ADGB: variants seen among roughly 807,000 people sequenced by gnomAD.
The protein encoded by ADGB is calpain-7-like protein.
ADGB carries 172 observed loss-of-function variants against 210.5 expected under a neutral mutation model. The observed-to-expected ratio is 0.82, with a 90% CI of 0.72 to 0.93. ADGB has a LOEUF of 0.93. Among genes scored for constraint, ADGB ranks in the 40% least tolerant of loss-of-function variants. ADGB has a pLI of 0.00. For synonymous variants in ADGB, 658 were observed against 662.7 expected (o/e 0.99, Z 0.11); for missense variants, 2,025 against 1,964.8 (o/e 1.03, Z -0.58).
At chr6:146,796,886 A>C (rs1330798488) in intron 33 of ADGB, among the ~76,000 whole-genome samples, 1 of 152,244 alleles carries the variant, frequency 6.6e-6, no homozygotes, top group Non-Finnish European at 1.5e-5. Context: ...AGCAAAAGAA[A>C]TAATCAGCAG....
intron 35 of ADGB, among the ~76,000 whole-genome samples, chr6:146,808,981 G>T (rs1778257194): frequency 1.3e-5 from 2 of 151,858 alleles, no homozygotes; most frequent in Admixed American, 1.3e-4. Context: ...CGAGCTGTGG[G>T]AGCCCACGCT....
At chr6:146,764,355 G>T (rs1317865745) in intron 28 of ADGB, among the ~76,000 whole-genome samples, 1 of 152,030 alleles carries the variant, frequency 6.6e-6, no homozygotes, top group Non-Finnish European at 1.5e-5. Flanking sequence ...TAATGTACCT[G>T]TAATTATCTA....
At chr6:146,604,974 A>G (rs1222192101) in intron 1 of ADGB, among the ~76,000 whole-genome samples, 1 of 152,124 alleles carries the variant, frequency 6.6e-6, no homozygotes, top group Admixed American at 6.6e-5. Flanking sequence ...CTTCAATTTC[A>G]AAAGGCACAG....
chr6:146,668,091 T>G (rs1223799479), intron 7 of ADGB, among the ~76,000 whole-genome samples: 1 of 152,118 alleles, frequency 6.6e-6, no homozygotes, highest in Non-Finnish European at 1.5e-5. Context: ...TCACGATCGT[T>G]TTATTTAATA....
chr6:146,682,791 C>A (rs934118199), intron 9 of ADGB, among the ~76,000 whole-genome samples: 13 of 152,018 alleles, frequency 8.6e-5, no homozygotes, highest in African/African-American at 3.1e-4. Context: ...TATCTAAGGC[C>A]CTTTAGACCC....
intron 13 of ADGB, among the ~76,000 whole-genome samples, chr6:146,715,012 C>T (rs898148239): frequency 1.3e-5 from 2 of 152,122 alleles, no homozygotes; most frequent in Admixed American, 6.6e-5. Flanking sequence ...AGGTTCTGTA[C>T]ATTACTTTCA....
chr6:146,612,210 T>C (rs1029286786), intron 1 of ADGB, among the ~76,000 whole-genome samples: 6 of 152,228 alleles, frequency 3.9e-5, no homozygotes, highest in African/African-American at 7.2e-5. Flanking sequence ...TCTCTGATGG[T>C]CTTAGTTTCT....
chr6:146,810,027 A>G (rs1474591400), intron 35 of ADGB, among the ~76,000 whole-genome samples: 1 of 152,036 alleles, frequency 6.6e-6, no homozygotes, highest in Non-Finnish European at 1.5e-5. Flanking sequence ...AATCTATAGA[A>G]TGGGAGAAAA....
At chr6:146,623,507 G>A (rs1411784456) in intron 1 of ADGB, among the ~76,000 whole-genome samples, 1 of 151,730 alleles carries the variant, frequency 6.6e-6, no homozygotes, top group East Asian at 1.9e-4. Context: ...TCTTGTCAGT[G>A]CACAAAAGTT....
At chr6:146,694,367 T>C (rs1016207720) in intron 12 of ADGB, among the ~76,000 whole-genome samples, 3 of 152,178 alleles carry the variant, frequency 2.0e-5, no homozygotes, top group Non-Finnish European at 4.4e-5. Flanking sequence ...CTTACCACTG[T>C]GTACTCACCT....
chr6:146,732,586 A>AAG (rs1777009210), intron 20 of ADGB, among the ~76,000 whole-genome samples: 1 of 151,874 alleles, frequency 6.6e-6, no homozygotes, highest in Admixed American at 6.6e-5. Context: ...GGTAAAAAAA[A>AAG]AAAATCTCCA....
chr6:146,618,262 A>G (rs867712042), intron 1 of ADGB, among the ~76,000 whole-genome samples: 3 of 149,620 alleles, frequency 2.0e-5, no homozygotes, highest in Non-Finnish European at 4.5e-5. Flanking sequence ...TTTGAGTCTT[A>G]CGGTTTTTTT....
intron 13 of ADGB, among the ~76,000 whole-genome samples, chr6:146,714,436 G>A (rs979269170): frequency 1.3e-5 from 2 of 152,132 alleles, no homozygotes; most frequent in East Asian, 3.9e-4. Context: ...GAAGCTGAAA[G>A]TCTCAGCACT....
At chr6:146,699,375 T>C (rs1166844134) in intron 12 of ADGB, among the ~76,000 whole-genome samples, 1 of 151,738 alleles carries the variant, frequency 6.6e-6, no homozygotes, top group South Asian at 2.1e-4. Context: ...AGTCCCAGAG[T>C]CCGAAGGGCA....
chr6:146,794,838 C>A (rs1279988644), intron 33 of ADGB, among the ~76,000 whole-genome samples: 2 of 152,204 alleles, frequency 1.3e-5, no homozygotes, highest in African/African-American at 4.8e-5. Context: ...GAGGGTCCAT[C>A]TTATCGACTT....
intron 35 of ADGB, among the ~76,000 whole-genome samples, chr6:146,814,401 A>G (rs1354230377): frequency 6.6e-6 from 1 of 152,250 alleles, no homozygotes; most frequent in Non-Finnish European, 1.5e-5. Flanking sequence ...GAATAGGAGC[A>G]GCTGGTGAGA....
chr6:146,780,011 C>G (rs1777776512), intron 29 of ADGB, among the ~76,000 whole-genome samples: 1 of 151,502 alleles, frequency 6.6e-6, no homozygotes, highest in African/African-American at 2.4e-5. Context: ...AAGACAACAG[C>G]TTAAAGCAAT....
intron 1 of ADGB, among the ~76,000 whole-genome samples, chr6:146,611,067 C>T (rs988713750): frequency 3.3e-5 from 5 of 151,968 alleles, no homozygotes; most frequent in Admixed American, 2.6e-4. Flanking sequence ...GCATGCAGGC[C>T]GAGTTGTGTT....
At chr6:146,629,712 A>T (rs1312194922) in intron 1 of ADGB, among the ~76,000 whole-genome samples, 3 of 152,130 alleles carry the variant, frequency 2.0e-5, no homozygotes, top group African/African-American at 7.2e-5. Context: ...ACTCTATACA[A>T]CAGAGATATT....
Sources: gnomAD v4.1 joint callset for allele counts (sites outside exome capture counted in the v4.1 genomes callset) on GRCh38, gnomAD v4.1.1 for gene constraint, MANE v1.5 for transcripts, NCBI Gene and HGNC (gene_info 2026-07-23, HGNC 2026-07-21) for gene names.